Variants in CAV2 observed in about 807,000 individuals in gnomAD.
CAV2 encodes the protein caveolin 2.
CAV2 carries 7 observed loss-of-function variants against 15.5 expected under a neutral mutation model. The observed-to-expected ratio is 0.45, with a 90% confidence interval of 0.26 to 0.85. CAV2 has a LOEUF of 0.85. Among genes scored for constraint, CAV2 ranks in the 40% least tolerant of loss-of-function variants. The pLI, the probability that CAV2 is intolerant of heterozygous loss-of-function variation, is 0.18. For synonymous variants in CAV2, 76 were observed against 83.1 expected, an observed-to-expected ratio of 0.91 and a Z score of 0.46; for missense variants, 229 against 208.8, an observed-to-expected ratio of 1.10 and a Z score of -0.60.
chr7:116,499,773 A>G lies in CAV2; in HGVS notation c.-9A>G, dbSNP rs1793042923. The G allele has an allele frequency of 1.2e-5, 19 of 1,541,588 alleles. No homozygotes were observed. Among genetic ancestry groups the G allele is most frequent in the Non-Finnish European group, 1.5e-5 (17 of 1,145,792 alleles). On this transcript the variant is annotated 5_prime_UTR_variant, in exon 1 of 3. Coordinates refer to ENST00000222693, the MANE Select transcript of CAV2 (RefSeq NM_001233.5). ...AGCCGGGCTGCAGCGGCCGCGCACC[A>G]AGGCTGCGATGGGGCTGGAGACGGA... is the stretch of plus-strand genomic sequence containing the variant.
chr7:116,500,618 G>A (rs1554470254), intron 2 of CAV2, 171 bp downstream of exon 2: 3 of 613,494 alleles, frequency 4.9e-6, no homozygotes, highest in Non-Finnish European at 8.5e-6. Flanking sequence ...GCTTCCTTTA[G>A]AATAACAGTT....
rs1793072176 is a variant in CAV2 at position 116,500,364 on chromosome 7, C to A, written c.255C>A (p.Tyr85Ter). The A allele has an allele frequency of 6.2e-7, 1 of 1,614,192 alleles. No homozygotes were observed. Among genetic ancestry groups the A allele is most frequent in the Non-Finnish European group, 8.5e-7 (1 of 1,180,014 alleles). The change falls in exon 2 of 3, where the codon TAC becomes TAA. Residue 85 changes from tyrosine (Y) to a stop codon, truncating the protein, a stop_gained. Transcript: ENST00000222693. LOFTEE classifies it high-confidence loss of function. Reference protein sequence around the residue: ...ALFEISKYVMYKFLTVFLAIP... With the variant: ...ALFEISKYVM ...TTGAAATCAGCAAATACGTAATGTA[C>A]AAGTTCCTGACGGTGTTCCTGGCCA...
Position 116,500,031 on chromosome 7 carries a change from G to C in CAV2, c.150+100G>C, listed in dbSNP as rs1028320561. Reference sequence around the variant, plus strand: ...CCCGTCCCACCATTGCTACCGGGTCGGCCCCGCAGGGTCTGAGACCCGCAC... The same window carrying C: ...CCCGTCCCACCATTGCTACCGGGTCCGCCCCGCAGGGTCTGAGACCCGCAC... On this transcript the variant is annotated intron_variant, in intron 1 of 2. Coordinates refer to ENST00000222693, the MANE Select transcript of CAV2 (RefSeq NM_001233.5). The C allele has an allele frequency of 1.3e-5, 20 of 1,497,474 alleles. No homozygotes were observed. In the African/African-American group the frequency reaches 2.8e-4, roughly 21 times the overall value. The allele number at this position is 1,497,474 out of a possible 1,614,324, so 92.8% of individuals were successfully genotyped here. A position where few individuals can be genotyped will look rare whatever the true frequency, so the allele number is the denominator to read the frequency against.
rs752153131 is a variant in CAV2, at chr7:116,499,926, C to CTCA, written c.146_148dup (p.Leu49_Lys50insIle). The CTCA allele has an allele frequency of 2.4e-4, 394 of 1,611,118 alleles. 1 individual carries two copies. Among genetic ancestry groups the CTCA allele is most frequent in the Non-Finnish European group, 2.5e-4 (296 of 1,179,198 alleles). On this transcript the variant is annotated inframe_insertion, in exon 1 of 3. Transcript: ENST00000222693. The stretch of plus-strand genomic sequence containing the variant: ...GGATCCCCACCGGCTCAACTCGCAT[C>CTCA]TCAAGGTGAAGCCCGGGGCGGGCGG...
chr7:116,500,505 A>T, intron 2 of CAV2, 58 bp downstream of exon 2: 2 of 1,518,846 alleles, frequency 1.3e-6, no homozygotes, highest in Non-Finnish European at 1.8e-6. Flanking sequence ...ATTCTCCGCC[A>T]CCTGCCCCCT....
At chr7:116,499,966 T>A in intron 1 of CAV2, 35 bp downstream of exon 1, 2 of 1,601,538 alleles carry the variant, frequency 1.2e-6, no homozygotes, top group Non-Finnish European at 1.7e-6. Flanking sequence ...AAGTCCCCGC[T>A]GAGGCCGGGA....
chr7:116,500,781 C>T (rs1326191564), intron 2 of CAV2: 18 of 279,442 alleles, frequency 6.4e-5, no homozygotes, highest in South Asian at 2.9e-4. Context: ...GTGACTCGTA[C>T]CTGCGGTTCT....
chr7:116,505,694 G>T (rs1793216341), intron 2 of CAV2, among the ~76,000 whole-genome samples: 1 of 152,082 alleles, frequency 6.6e-6, no homozygotes, highest in African/African-American at 2.4e-5. Context: ...TTACCAAGAG[G>T]GTGGCAGGCA....
chr7:116,506,066 GT>G lies in CAV2; in HGVS notation c.435del (p.Cys145Ter). On this transcript the variant is annotated frameshift_variant, in exon 3 of 3. Coordinates refer to ENST00000222693, the MANE Select transcript of CAV2 (RefSeq NM_001233.5). LOFTEE classifies it high-confidence loss of function. ...ACAGATGTTATCATTGCTCCATTGT[GT>G]ACGAGCGTAGGACGATGCTTCTCTT... Reference protein sequence around the residue: ...SVTDVIIAPLCTSVGRCFSSV... With the variant: ...SVTDVIIAPLXTSVGRCFSSV... 1 of 1,613,708 alleles carries G rather than the reference GT, an allele frequency of 6.2e-7. No individual in the cohort carries two copies. The highest frequency in any genetic ancestry group is 8.5e-7 in the Non-Finnish European group (1 of 1,179,642).
intron 1 of CAV2, 86 bp downstream of exon 1, chr7:116,500,017 A>T: frequency 6.5e-7 from 1 of 1,531,302 alleles, no homozygotes; most frequent in Non-Finnish European, 8.7e-7. Context: ...CCGTCCCACC[A>T]TTGCTACCGG....
chr7:116,504,132 T>TAG lies in CAV2; in HGVS notation c.339-1838_339-1837dup, dbSNP rs1278818517. On this transcript the variant is annotated intron_variant, in intron 2 of 2. Coordinates refer to ENST00000222693, the MANE Select transcript of CAV2 (RefSeq NM_001233.5). The stretch of plus-strand genomic sequence containing the variant: ...TCTGATCTAAACTTCAGCCTTTTAA[T>TAG]AGGCCAATTTGAGGTCATCTTGTTA... Among the ~76,000 whole-genome samples the TAG allele has an allele frequency of 3.9e-5, 6 of 152,292 alleles. No homozygotes were observed. The East Asian group carries it at 1.2e-3, about 29-fold the overall frequency.
At position 116,505,962 on chromosome 7, in the gene CAV2, T is replaced by A; in HGVS notation, c.339-9T>A. ...ACAATCCTCACACATCTCTCTTCCTTCCTTCCAGGATTTTAATGCCTTTTG... is the reference window on the plus strand; with the variant it reads ...ACAATCCTCACACATCTCTCTTCCTACCTTCCAGGATTTTAATGCCTTTTG... On this transcript the variant is annotated splice_polypyrimidine_tract_variant and intron_variant, in intron 2 of 2. Coordinates refer to ENST00000222693, the MANE Select transcript of CAV2 (RefSeq NM_001233.5). 1 of 1,605,432 alleles carries A rather than the reference T, an allele frequency of 6.2e-7. No individual in the cohort carries two copies. The highest frequency in any genetic ancestry group is 8.5e-7 in the Non-Finnish European group (1 of 1,172,720).
chr7:116,500,759 C>T, intron 2 of CAV2: 1 of 321,698 alleles, frequency 3.1e-6, no homozygotes, highest in Non-Finnish European at 5.7e-6. Context: ...AGGCTGCTCT[C>T]GGGGCCCTGT....
chr7:116,503,919 A>AGGGAGGGAGGTAGGGAGGG (rs1197136360), intron 2 of CAV2, among the ~76,000 whole-genome samples: 1 of 67,920 alleles, frequency 1.5e-5, no homozygotes, highest in Non-Finnish European at 3.0e-5. Flanking sequence ...GGGAGGAAGG[A>AGGGAGGGAGGTAGGGAGGG]AGGAAGGGAG....
Position 116,500,327 on chromosome 7 carries a change from G to A in CAV2, c.218G>A (p.Ser73Asn). ...TCCTTTGACAAAGTGTGGATCTGCA[G>A]CCATGCCCTCTTTGAAATCAGCAAA... ...THSFDKVWICSHALFEISKYV... is the reference protein window; with the variant it reads ...THSFDKVWICNHALFEISKYV... Residue 73 changes from serine (S) to asparagine (N), a missense_variant, in exon 2 of 3, where the codon AGC (serine) becomes AAC (asparagine). Coordinates refer to ENST00000222693, the MANE Select transcript of CAV2 (RefSeq NM_001233.5). The A allele has an allele frequency of 6.2e-7, 1 of 1,613,950 alleles. No homozygotes were observed. The highest frequency in any genetic ancestry group is 8.5e-7 in the Non-Finnish European group (1 of 1,179,950).
intron 2 of CAV2, chr7:116,500,779 T>C: frequency 3.6e-6 from 1 of 280,052 alleles, no homozygotes. Flanking sequence ...TTGTGACTCG[T>C]ACCTGCGGTT....
intron 2 of CAV2, among the ~76,000 whole-genome samples, chr7:116,504,976 A>G (rs1333011569): frequency 6.6e-6 from 1 of 152,248 alleles, no homozygotes; most frequent in African/African-American, 2.4e-5. Context: ...GCATAAAAGA[A>G]TGATAAATTT....
intron 1 of CAV2, 164 bp downstream of exon 1, chr7:116,500,095 G>T (rs13235183): frequency 0.082 from 120,902 of 1,466,378 alleles, 5,779 homozygotes; most frequent in East Asian, 0.18. Context: ...CGCCCGCGTA[G>T]CCAGGAATTC....
chr7:116,503,958 A>C (rs1024502595), intron 2 of CAV2, among the ~76,000 whole-genome samples: 2 of 148,326 alleles, frequency 1.3e-5, no homozygotes, highest in African/African-American at 5.0e-5. Flanking sequence ...AGACAGAAAG[A>C]AAAAGAGAAA....
Sources: allele counts gnomAD v4.1 joint callset (sites outside exome capture counted in the v4.1 genomes callset), GRCh38; gene constraint gnomAD v4.1.1; transcripts MANE v1.5; gene names NCBI Gene and HGNC (gene_info 2026-07-23, HGNC 2026-07-21).